Variants in ZNG1F observed in about 807,000 individuals in gnomAD.
ZNG1F encodes the protein Zn regulated GTPase metalloprotein activator 1F.
chr9:41,148,047 AGAT>A, the ZNG1F span, among the ~76,000 whole-genome samples: 1 of 146,312 alleles, frequency 6.8e-6, no homozygotes, highest in Non-Finnish European at 1.5e-5. Context: ...GCCAGAACTA[AGAT>A]GGGAAAAAAA....
chr9:41,187,482 G>A, the ZNG1F span, among the ~76,000 whole-genome samples: 1 of 141,558 alleles, frequency 7.1e-6, no homozygotes, highest in South Asian at 2.3e-4. Context: ...GGAAAGGTTG[G>A]CAAGATCCAG....
At chr9:41,183,138 G>A in the ZNG1F span, among the ~76,000 whole-genome samples, 25 of 133,436 alleles carry the variant, frequency 1.9e-4, no homozygotes, top group Non-Finnish European at 3.7e-4. Context: ...CTCTTCTAGG[G>A]TCTATGGTAG....
the ZNG1F span, among the ~76,000 whole-genome samples, chr9:41,163,730 C>CAACTA: frequency 6.8e-5 from 2 of 29,538 alleles, no homozygotes; most frequent in Non-Finnish European, 1.4e-4. Context: ...TGTGTCAGCA[C>CAACTA]TGTGCAAAGT....
the ZNG1F span, among the ~76,000 whole-genome samples, chr9:41,174,077 C>T: frequency 6.8e-6 from 1 of 146,686 alleles, no homozygotes; most frequent in South Asian, 2.2e-4. Flanking sequence ...CAAAAATTAG[C>T]CAGGTACGAT....
At chr9:41,132,010 T>A in the ZNG1F span, 1 of 693,004 alleles carries the variant, frequency 1.4e-6, no homozygotes, top group Non-Finnish European at 2.4e-6. Flanking sequence ...CAAAGTCACA[T>A]TGGTCCTTGG....
At chr9:41,144,705 T>A in the ZNG1F span, among the ~76,000 whole-genome samples, 4 of 148,234 alleles carry the variant, frequency 2.7e-5, no homozygotes, top group African/African-American at 1.0e-4. Context: ...AACAAAGAAG[T>A]TATCCTAAAG....
chr9:41,142,584 A>G, the ZNG1F span, among the ~76,000 whole-genome samples: 1 of 44,064 alleles, frequency 2.3e-5, no homozygotes, highest in Non-Finnish European at 4.5e-5. Context: ...CAGGTGGATC[A>G]CCTGAAGTCA....
At chr9:41,199,733 C>G in the ZNG1F span, among the ~76,000 whole-genome samples, 1 of 152,036 alleles carries the variant, frequency 6.6e-6, no homozygotes, top group Admixed American at 6.6e-5. Context: ...CCATGAGGGA[C>G]CCACCCCTAC....
chr9:41,139,191 CT>C, the ZNG1F span, among the ~76,000 whole-genome samples: 1 of 134,412 alleles, frequency 7.4e-6, no homozygotes, highest in East Asian at 2.2e-4. Context: ...TACTCTCTCC[CT>C]TTTCCTATGG....
the ZNG1F span, chr9:41,145,141 C>A: frequency 9.0e-6 from 1 of 111,630 alleles, no homozygotes; most frequent in Non-Finnish European, 1.6e-5. Context: ...ATTTAAGATT[C>A]CAAAAATTAT....
the ZNG1F span, among the ~76,000 whole-genome samples, chr9:41,185,649 G>T: frequency 6.6e-6 from 1 of 151,894 alleles, no homozygotes; most frequent in Admixed American, 6.6e-5. Context: ...CTCCAGCCTG[G>T]CAACAGAGAG....
the ZNG1F span, among the ~76,000 whole-genome samples, chr9:41,154,734 G>A: frequency 6.7e-6 from 1 of 149,958 alleles, no homozygotes; most frequent in Non-Finnish European, 1.5e-5. Flanking sequence ...TGACAAACCT[G>A]AGAAAAACAA....
chr9:41,166,107 T>C, the ZNG1F span, among the ~76,000 whole-genome samples: 1 of 58,758 alleles, frequency 1.7e-5, no homozygotes, highest in Non-Finnish European at 3.3e-5. Context: ...ACAAAAATAC[T>C]TAAGTTCAGC....
At chr9:41,144,293 C>T in the ZNG1F span, among the ~76,000 whole-genome samples, 7 of 34,216 alleles carry the variant, frequency 2.0e-4, 3 homozygotes, top group African/African-American at 4.1e-4. Context: ...ATCTTTTCAT[C>T]CCTATGATTC....
At chr9:41,155,366 A>G in the ZNG1F span, among the ~76,000 whole-genome samples, 1 of 148,854 alleles carries the variant, frequency 6.7e-6, no homozygotes. Flanking sequence ...CAGGTGCTGG[A>G]GAGGATGTGG....
At chr9:41,203,124 C>T in the ZNG1F span, among the ~76,000 whole-genome samples, 6 of 152,360 alleles carry the variant, frequency 3.9e-5, no homozygotes, top group African/African-American at 1.4e-4. Flanking sequence ...CTCTGTGCAT[C>T]ACTTCAGGAG....
At chr9:41,145,039 TAG>T in the ZNG1F span, among the ~76,000 whole-genome samples, 38 of 30,112 alleles carry the variant, frequency 1.3e-3, no homozygotes, top group East Asian at 0.025. Context: ...ATGGAAAGGC[TAG>T]AAAGCATGGT....
At chr9:41,156,179 A>G in the ZNG1F span, among the ~76,000 whole-genome samples, 1 of 128,214 alleles carries the variant, frequency 7.8e-6, no homozygotes, top group African/African-American at 3.2e-5. Context: ...CATTTACACT[A>G]TAATTTCTAC....
At chr9:41,164,965 T>C in the ZNG1F span, 14 of 1,570,794 alleles carry the variant, frequency 8.9e-6, no homozygotes, top group Non-Finnish European at 1.2e-5. Flanking sequence ...GTATACAATA[T>C]GGATCTGTAG....
Sources: allele counts gnomAD v4.1 joint callset (sites outside exome capture counted in the v4.1 genomes callset), GRCh38; gene constraint gnomAD v4.1.1; transcripts MANE v1.5; gene names NCBI Gene and HGNC (gene_info 2026-07-23, HGNC 2026-07-21).